SLC25A16: variants seen among roughly 807,000 people sequenced by gnomAD.
SLC25A16 encodes solute carrier family 25 member 16, also known as mitochondrial coenzyme A transporter SLC25A16.
In SLC25A16, 39 loss-of-function variants were observed where a neutral mutation model predicts 41.5. That is an observed-to-expected ratio of 0.94 (90% CI 0.73 to 1.23). The LOEUF (loss-of-function observed/expected upper bound fraction) is 1.23. Ranked by LOEUF, SLC25A16 falls within the 50% of genes most tolerant of loss-of-function variation. SLC25A16 has a pLI of 0.00. For synonymous variants in SLC25A16, 146 were observed against 147.8 expected (o/e 0.99, Z 0.09); for missense variants, 421 against 426.9 (o/e 0.99, Z 0.12).
chr10:68,495,933 A>G (rs2052743721), intron 4 of SLC25A16, among the ~76,000 whole-genome samples: 1 of 152,150 alleles, frequency 6.6e-6, no homozygotes, highest in Non-Finnish European at 1.5e-5. Flanking sequence ...GAGTATCATA[A>G]TAAGTGGGTA....
At chr10:68,514,261 C>A (rs1459807745) in intron 2 of SLC25A16, among the ~76,000 whole-genome samples, 1 of 152,068 alleles carries the variant, frequency 6.6e-6, no homozygotes, top group Non-Finnish European at 1.5e-5. Context: ...CTTTGAGAGG[C>A]CGAGACGGGC....
chr10:68,527,499 G>A lies in SLC25A16; in HGVS notation c.-124C>T, dbSNP rs1198432496. The A allele has an allele frequency of 2.1e-6, 2 of 934,200 alleles. No individual in the cohort carries two copies. Among genetic ancestry groups the A allele is most frequent in the Non-Finnish European group, 1.5e-6 (1 of 665,474 alleles). 57.9% of individuals were successfully genotyped at this position (934,200 alleles called of 1,614,324 possible). A position where few individuals can be genotyped will look rare whatever the true frequency, so the allele number is the denominator to read the frequency against. On this transcript the variant is annotated 5_prime_UTR_variant, in exon 1 of 9. Transcript: ENST00000609923. Reference sequence around the variant, plus strand: ...CCGGCGGGGCAAAGTAACACCCGGCGGCGCGGCGCCGGCTGATGGCGTACA... The same window carrying A: ...CCGGCGGGGCAAAGTAACACCCGGCAGCGCGGCGCCGGCTGATGGCGTACA...
At chr10:68,497,731 C>T (rs1241585607) in intron 4 of SLC25A16, among the ~76,000 whole-genome samples, 1 of 151,522 alleles carries the variant, frequency 6.6e-6, no homozygotes, top group Non-Finnish European at 1.5e-5. Context: ...ATTCTCCTGC[C>T]TCAGCCTCCC....
chr10:68,505,950 T>C (rs903631105), intron 3 of SLC25A16, among the ~76,000 whole-genome samples: 1 of 151,138 alleles, frequency 6.6e-6, no homozygotes, highest in Non-Finnish European at 1.5e-5. Context: ...AAGAACTGCT[T>C]GAACCCAGGA....
rs10998216 is a variant in SLC25A16 at position 68,482,030 on chromosome 10, C to T, written c.*1402G>A. 14,727 of 152,116 alleles carry T rather than the reference C, an allele frequency of 0.097. 1,301 individuals are homozygous for T. The highest frequency in any genetic ancestry group is 0.24 in the African/African-American group (9,855 of 41,448). 9.4% of individuals were successfully genotyped at this position (152,116 alleles called of 1,614,324 possible). ...GAGATCGAGGCCATCCTGGCTAACA[C>T]GGTGAAATCCCGTCTCTACTAAAAA... On this transcript the variant is annotated 3_prime_UTR_variant, in exon 9 of 9. Coordinates refer to ENST00000609923, the MANE Select transcript of SLC25A16 (RefSeq NM_152707.4).
chr10:68,501,813 A>T (rs529858684), intron 4 of SLC25A16, among the ~76,000 whole-genome samples: 1 of 152,246 alleles, frequency 6.6e-6, no homozygotes, highest in East Asian at 1.9e-4. Context: ...ACAACTGACA[A>T]GTCATATGGA....
intron 7 of SLC25A16, 79 bp downstream of exon 7, chr10:68,488,388 A>C (rs1264626922): frequency 9.4e-7 from 1 of 1,060,358 alleles, no homozygotes; most frequent in Non-Finnish European, 1.3e-6. Context: ...CTATTAGAAA[A>C]AATAAATGAT....
intron 1 of SLC25A16, among the ~76,000 whole-genome samples, chr10:68,522,815 A>C (rs2053270003): frequency 1.2e-4 from 1 of 8,170 alleles, no homozygotes; most frequent in Admixed American, 8.9e-4. Context: ...ATTCCTTCTC[A>C]AAAAAAAAAA....
chr10:68,491,914 C>T (rs144201216), intron 6 of SLC25A16, among the ~76,000 whole-genome samples: 3,393 of 152,124 alleles, frequency 0.022, 126 homozygotes, highest in African/African-American at 0.077. Flanking sequence ...CCACAACCTC[C>T]GCCTCCCGGG....
At position 68,481,881 on chromosome 10, in the gene SLC25A16, G is replaced by A. The variant is rs1189210928; in HGVS notation, c.*1551C>T. ...GGCCTCCCAAAGTGCTGGGAATAAA[G>A]GCGTGAGCCACCACACCTGGCCTTC... On this transcript the variant is annotated 3_prime_UTR_variant, in exon 9 of 9. Coordinates refer to ENST00000609923, the MANE Select transcript of SLC25A16 (RefSeq NM_152707.4). The A allele has an allele frequency of 2.0e-5, 3 of 152,244 alleles. No homozygotes were observed. The highest frequency in any genetic ancestry group is 4.4e-5 in the Non-Finnish European group (3 of 68,088). 9.4% of individuals were successfully genotyped at this position (152,244 alleles called of 1,614,324 possible). A position where few individuals can be genotyped will look rare whatever the true frequency, so the allele number is the denominator to read the frequency against.
intron 2 of SLC25A16, among the ~76,000 whole-genome samples, chr10:68,507,261 C>T (rs1255598407): frequency 6.6e-6 from 1 of 151,542 alleles, no homozygotes; most frequent in Non-Finnish European, 1.5e-5. Context: ...TTAGTAGAAA[C>T]GGGGTTTCAC....
intron 4 of SLC25A16, among the ~76,000 whole-genome samples, chr10:68,495,456 C>T (rs1044722274): frequency 2.0e-5 from 3 of 151,484 alleles, no homozygotes; most frequent in African/African-American, 4.9e-5. Flanking sequence ...GACTTATAAT[C>T]AAAATTGACC....
intron 6 of SLC25A16, among the ~76,000 whole-genome samples, chr10:68,491,372 T>C (rs2052654797): frequency 1.3e-5 from 2 of 152,104 alleles, no homozygotes; most frequent in African/African-American, 2.4e-5. Flanking sequence ...ATTACAGGCA[T>C]GTGCGACCAC....
At chr10:68,517,015 A>G in intron 1 of SLC25A16, 172 bp from the exon 2 acceptor site, 2 of 1,164,482 alleles carry the variant, frequency 1.7e-6, no homozygotes, top group South Asian at 3.9e-5. Flanking sequence ...GTAACTTAAT[A>G]AGTGAGCATG....
chr10:68,483,690 C>T, intron 8 of SLC25A16, 102 bp from the exon 9 acceptor site: 4 of 945,720 alleles, frequency 4.2e-6, no homozygotes, highest in Non-Finnish European at 6.1e-6. Context: ...GACTCTTGCT[C>T]TGTCACCCAG....
chr10:68,507,478 G>A (rs1320617884), intron 2 of SLC25A16, among the ~76,000 whole-genome samples: 1 of 151,540 alleles, frequency 6.6e-6, no homozygotes, highest in African/African-American at 2.4e-5. Context: ...AATAAAACAA[G>A]CAAATAAAAA....
chr10:68,512,120 G>A (rs562309720), intron 2 of SLC25A16, among the ~76,000 whole-genome samples: 1 of 152,218 alleles, frequency 6.6e-6, no homozygotes, highest in African/African-American at 2.4e-5. Flanking sequence ...TAAACTGTGT[G>A]AGGAAGAATT....
intron 1 of SLC25A16, among the ~76,000 whole-genome samples, chr10:68,521,891 C>G (rs1333969939): frequency 6.6e-6 from 1 of 151,254 alleles, no homozygotes; most frequent in Non-Finnish European, 1.5e-5. Flanking sequence ...GCCACCGCGC[C>G]CGGCCATGCC....
intron 4 of SLC25A16, among the ~76,000 whole-genome samples, chr10:68,501,114 T>C (rs981757584): frequency 6.6e-6 from 1 of 151,558 alleles, no homozygotes; most frequent in African/African-American, 2.4e-5. Flanking sequence ...TAGCCAGGCA[T>C]GTGGCACACA....
Sources: allele counts gnomAD v4.1 joint callset (sites outside exome capture counted in the v4.1 genomes callset), GRCh38; gene constraint gnomAD v4.1.1; transcripts MANE v1.5; gene names NCBI Gene and HGNC (gene_info 2026-07-23, HGNC 2026-07-21).